MORC4: variants seen among roughly 807,000 people sequenced by gnomAD.
MORC4 encodes the protein MORC family CW-type zinc finger protein 4.
MORC4 carries 22 observed loss-of-function variants against 65.5 expected under a neutral mutation model. That is an observed-to-expected ratio of 0.34 (90% confidence interval 0.24 to 0.48). The LOEUF is 0.48. MORC4 is among the 20% of genes least tolerant of loss of function. The pLI is 0.99. For missense variants in MORC4, 624 were observed against 703.0 expected, an observed-to-expected ratio of 0.89 and a Z score of 1.27; for synonymous variants, 267 against 255.8, an observed-to-expected ratio of 1.04 and a Z score of -0.42.
At chrX:106,974,754 A>T (rs1602496179) in intron 9 of MORC4, among the ~76,000 whole-genome samples, 1 of 111,779 alleles carries the variant, frequency 8.9e-6, no homozygotes, top group Non-Finnish European at 1.9e-5. Flanking sequence ...TTTGATATCT[A>T]TAATACTCAT....
chrX:106,989,130 T>A (rs1934929731), intron 3 of MORC4, among the ~76,000 whole-genome samples: 1 of 112,197 alleles, frequency 8.9e-6, no homozygotes, highest in Admixed American at 9.4e-5. Context: ...ATTCTCCAGC[T>A]ATTGTTTTAG....
At chrX:106,985,738 T>A (rs1053174840) in intron 4 of MORC4, among the ~76,000 whole-genome samples, 1 of 110,899 alleles carries the variant, frequency 9.0e-6, no homozygotes, top group East Asian at 2.8e-4. Context: ...AGAGCAGAGA[T>A]ACACTATATA....
chrX:106,972,986 G>A (rs775367402), intron 9 of MORC4, among the ~76,000 whole-genome samples: 2 of 112,320 alleles, frequency 1.8e-5, no homozygotes, highest in Non-Finnish European at 3.8e-5. Context: ...GAAAGGGATG[G>A]AGAGAATCCT....
chrX:106,943,111 C>T lies in MORC4; in HGVS notation c.1780G>A (p.Ala594Thr). 1 of 1,210,851 alleles carries T rather than the reference C, an allele frequency of 8.3e-7. No homozygotes were observed. The highest frequency in any genetic ancestry group is 1.1e-6 in the Non-Finnish European group (1 of 894,512). Residue 594 changes from alanine to threonine, a missense_variant, in exon 15 of 17, where the codon GCT becomes ACT. By Grantham distance (58) the Ala-to-Thr change is moderately conservative. Transcript: ENST00000355610. ...TTPSLDYSMPAPYRRVEAPVA... is the reference protein window; with the variant it reads ...TTPSLDYSMPTPYRRVEAPVA... ...GGTGCTTCTACCCTCCTGTAAGGAG[C>T]AGGCATGGAATAATCTAGAGAAGGT... is the stretch of plus-strand genomic sequence containing the variant.
At chrX:106,968,642 C>CAA (rs1194053588) in intron 9 of MORC4, among the ~76,000 whole-genome samples, 184 of 17,926 alleles carry the variant, frequency 0.01, 1 homozygote, top group African/African-American at 0.019. Flanking sequence ...AAATGGAAAG[C>CAA]AAAAAAAAAA....
chrX:106,989,952 C>T (rs778782254), intron 3 of MORC4, among the ~76,000 whole-genome samples: 1 of 108,095 alleles, frequency 9.3e-6, no homozygotes, highest in South Asian at 4.2e-4. Context: ...TTTTGGGAGC[C>T]CGAGGCAGGT....
chrX:106,982,459 C>T (rs999287305), intron 5 of MORC4, among the ~76,000 whole-genome samples: 2 of 111,488 alleles, frequency 1.8e-5, no homozygotes, highest in South Asian at 3.7e-4. Context: ...GCATCATGCC[C>T]ATGTCAATGT....
intron 7 of MORC4, among the ~76,000 whole-genome samples, chrX:106,978,797 T>C (rs746624570): frequency 4.5e-5 from 5 of 111,549 alleles, no homozygotes; most frequent in Non-Finnish European, 9.5e-5. Context: ...CCAATACAAA[T>C]CTGTACAATT....
intron 4 of MORC4, 52 bp from the exon 5 acceptor site, chrX:106,985,295 A>G: frequency 1.1e-6 from 1 of 935,181 alleles, no homozygotes; most frequent in Non-Finnish European, 1.5e-6. Flanking sequence ...TGCTATTGAG[A>G]AGGAAGATCT....
chrX:106,957,854 G>C (rs770910655), intron 11 of MORC4, among the ~76,000 whole-genome samples: 2 of 111,689 alleles, frequency 1.8e-5, no homozygotes, highest in South Asian at 3.8e-4. Context: ...AAGAGTTTAC[G>C]ATCTCTTGAA....
intron 9 of MORC4, among the ~76,000 whole-genome samples, chrX:106,965,021 A>G (rs745443409): frequency 7.7e-4 from 86 of 111,461 alleles, no homozygotes; most frequent in African/African-American, 2.7e-3. Flanking sequence ...AAAAAAAAAA[A>G]AAAGAAAGAA....
At chrX:106,956,144 G>T (rs1406157090) in intron 13 of MORC4, among the ~76,000 whole-genome samples, 4 of 111,785 alleles carry the variant, frequency 3.6e-5, no homozygotes, top group African/African-American at 1.3e-4. Context: ...TAGAAGAAAA[G>T]AGACAGGAAA....
intron 10 of MORC4, among the ~76,000 whole-genome samples, chrX:106,959,549 T>A (rs185971475): frequency 4.1e-3 from 461 of 112,013 alleles, no homozygotes; most frequent in Non-Finnish European, 6.3e-3. Context: ...TTGTTGTTTT[T>A]TCCTTTTAGA....
chrX:106,959,273 A>G (rs1291856273), intron 10 of MORC4, among the ~76,000 whole-genome samples: 1 of 111,014 alleles, frequency 9.0e-6, no homozygotes. Flanking sequence ...AGTGGTCCTT[A>G]TATGACAGAA....
In MORC4 at chrX:106,981,029, A is replaced by G. The variant is rs1934730556; in HGVS notation, c.808-10T>C. On this transcript the variant is annotated splice_polypyrimidine_tract_variant and intron_variant, in intron 6 of 16. Coordinates refer to ENST00000355610, the MANE Select transcript of MORC4 (RefSeq NM_024657.5). ...GAATACCACAAAATGCCTACGGAAC[A>G]GAATGGTGAAGGGAAAGTTATTATG... 8.3e-7 allele frequency: 1 copy of G among 1,207,330 alleles called. No individual in the cohort carries two copies. Among genetic ancestry groups the G allele is most frequent in the Non-Finnish European group, 1.1e-6 (1 of 893,337 alleles).
intron 10 of MORC4, among the ~76,000 whole-genome samples, chrX:106,959,182 A>G (rs1432385455): frequency 8.9e-6 from 1 of 112,115 alleles, no homozygotes; most frequent in Non-Finnish European, 1.9e-5. Flanking sequence ...AAACTCTTCC[A>G]GAGTTCAACT....
chrX:106,961,874 T>C (rs745924559), intron 10 of MORC4, 138 bp downstream of exon 10: 1 of 498,214 alleles, frequency 2.0e-6, no homozygotes, highest in South Asian at 3.1e-5. Flanking sequence ...ACCACGAAGG[T>C]CTGCAGCTTC....
Position 106,942,007 on chromosome X carries a change from T to C in MORC4, c.2591A>G (p.Glu864Gly). 8.3e-7 allele frequency: 1 copy of C among 1,211,313 alleles called. No homozygotes were observed. Among genetic ancestry groups the C allele is most frequent in the Non-Finnish European group, 1.1e-6 (1 of 895,272 alleles). ...CTTCTGCAGCATTTCCAGGTGTGTC[T>C]CTGTTTCCTTCAGTTTCTCTTTTAA... ...QELKEKLKET[E>G]THLEMLQKAQ... Residue 864 changes from glutamate to glycine, a missense_variant, in exon 16 of 17, where the codon GAG becomes GGG. Glu to Gly is a moderately conservative substitution (Grantham distance 98). Coordinates refer to ENST00000355610, the MANE Select transcript of MORC4 (RefSeq NM_024657.5).
chrX:106,948,051 T>C (rs967142020), intron 14 of MORC4, among the ~76,000 whole-genome samples: 1 of 111,584 alleles, frequency 9.0e-6, no homozygotes, highest in Non-Finnish European at 1.9e-5. Flanking sequence ...TGTCACGCCT[T>C]CTTTGTTCCT....
Sources: allele counts gnomAD v4.1 joint callset (sites outside exome capture counted in the v4.1 genomes callset), GRCh38; gene constraint gnomAD v4.1.1; transcripts MANE v1.5; gene names NCBI Gene and HGNC (gene_info 2026-07-23, HGNC 2026-07-21).